Variants in PTK2 observed in about 807,000 individuals in gnomAD.
PTK2 encodes focal adhesion kinase 1.
A neutral mutation model predicts 150.1 loss-of-function variants in PTK2; 45 were observed. That is an observed-to-expected ratio of 0.30 (90% confidence interval 0.24 to 0.38). The LOEUF is 0.38. PTK2 is among the 10% of genes least tolerant of loss of function. The pLI is 1.00. For missense variants in PTK2, 919 were observed against 1,307.3 expected (o/e 0.70, Z 4.58); for synonymous variants, 432 against 449.2 (o/e 0.96, Z 0.48).
intron 2 of PTK2, among the ~76,000 whole-genome samples, chr8:140,904,914 G>A (rs914489372): frequency 4.6e-5 from 7 of 151,796 alleles, no homozygotes; most frequent in East Asian, 1.9e-4. Flanking sequence ...TCTGGCTAGC[G>A]GTCTATTTTG....
chr8:140,790,819 AT>A (rs2100087979), intron 13 of PTK2, among the ~76,000 whole-genome samples: 1 of 152,196 alleles, frequency 6.6e-6, no homozygotes, highest in African/African-American at 2.4e-5. Flanking sequence ...GCGCTACATG[AT>A]TTATCACAAC....
intron 31 of PTK2, among the ~76,000 whole-genome samples, chr8:140,661,298 G>A (rs1409825385): frequency 6.6e-6 from 1 of 152,202 alleles, no homozygotes; most frequent in East Asian, 1.9e-4. Flanking sequence ...ACAGACAAGA[G>A]GCAGATAAAC....
chr8:140,882,082 C>T (rs1172528881), intron 3 of PTK2, among the ~76,000 whole-genome samples: 2 of 152,188 alleles, frequency 1.3e-5, no homozygotes, highest in Non-Finnish European at 2.9e-5. Flanking sequence ...TTTGCTTTCT[C>T]ATTACGCATC....
intron 10 of PTK2, among the ~76,000 whole-genome samples, chr8:140,814,797 C>T (rs376589502): frequency 5.5e-5 from 8 of 146,644 alleles, no homozygotes; most frequent in African/African-American, 1.8e-4. Flanking sequence ...TTTTTTGAGA[C>T]GGAGTCTCGC....
chr8:140,764,504 AT>A (rs2100071243), intron 14 of PTK2: 7 of 537,322 alleles, frequency 1.3e-5, no homozygotes, highest in Middle Eastern at 9.5e-4. Context: ...AGACTTGTTT[AT>A]CGGAGAGCAA....
chr8:140,949,389 G>A (rs908264761), intron 1 of PTK2, among the ~76,000 whole-genome samples: 1 of 152,206 alleles, frequency 6.6e-6, no homozygotes, highest in African/African-American at 2.4e-5. Flanking sequence ...TACTGAGTTG[G>A]CGGGGCAGGA....
At chr8:140,701,073 T>A in intron 25 of PTK2, 51 bp from the exon 29 acceptor site, 1 of 1,537,776 alleles carries the variant, frequency 6.5e-7, no homozygotes, top group Non-Finnish European at 8.8e-7. Flanking sequence ...TCTATTCCTA[T>A]GCTCTTACCT....
chr8:140,838,199 A>G (rs2100119976), intron 7 of PTK2, among the ~76,000 whole-genome samples: 1 of 152,282 alleles, frequency 6.6e-6, no homozygotes, highest in Admixed American at 6.5e-5. Context: ...AAGGAAAAAG[A>G]GAACCATGAA....
At chr8:140,741,622 A>G (rs1370765160) in intron 20 of PTK2, among the ~76,000 whole-genome samples, 1 of 152,114 alleles carries the variant, frequency 6.6e-6, no homozygotes, top group Non-Finnish European at 1.5e-5. Context: ...CCATATAAAA[A>G]TCAAATACCC....
intron 3 of PTK2, 39 bp from the exon 4 acceptor site, chr8:140,879,676 G>GAAAA: frequency 2.1e-3 from 74 of 34,580 alleles, no homozygotes; most frequent in African/African-American, 9.0e-3. Context: ...GTTATAAACT[G>GAAAA]AAAAAAAAAA....
chr8:140,899,080 C>A (rs1601564173), intron 2 of PTK2, among the ~76,000 whole-genome samples: 1 of 152,246 alleles, frequency 6.6e-6, no homozygotes, highest in South Asian at 2.1e-4. Context: ...AAAAGTCTAA[C>A]CTAAATTTCC....
intron 10 of PTK2, among the ~76,000 whole-genome samples, chr8:140,812,839 A>G (rs2100102399): frequency 6.6e-6 from 1 of 152,212 alleles, no homozygotes; most frequent in African/African-American, 2.4e-5. Context: ...TAACTATCCT[A>G]AATATATAAA....
chr8:140,957,251 T>C (rs546590349), intron 1 of PTK2, among the ~76,000 whole-genome samples: 3 of 152,080 alleles, frequency 2.0e-5, no homozygotes, highest in East Asian at 3.9e-4. Flanking sequence ...CTGGGCAACA[T>C]GGTGAAACCC....
chr8:140,662,947 A>G, intron 31 of PTK2: 2 of 421,542 alleles, frequency 4.7e-6, no homozygotes, highest in South Asian at 8.2e-5. Flanking sequence ...GCTGTTTCAG[A>G]TGAAAGGAGG....
intron 2 of PTK2, among the ~76,000 whole-genome samples, chr8:140,914,404 A>G (rs1304220494): frequency 6.9e-6 from 1 of 144,744 alleles, no homozygotes; most frequent in Non-Finnish European, 1.5e-5. Context: ...TAACCCTTAA[A>G]GAACCAAGTT....
intron 3 of PTK2, among the ~76,000 whole-genome samples, chr8:140,886,601 T>C (rs1221737521): frequency 6.6e-6 from 1 of 152,234 alleles, no homozygotes; most frequent in Non-Finnish European, 1.5e-5. Flanking sequence ...TATTTTCTTA[T>C]GGGCTCAACT....
intron 1 of PTK2, among the ~76,000 whole-genome samples, chr8:140,962,092 A>ATT: frequency 6.6e-6 from 1 of 151,894 alleles, no homozygotes; most frequent in East Asian, 1.9e-4. Context: ...AAAAAAATAC[A>ATT]AAAATTAGCC....
At chr8:140,941,962 C>T (rs550181313) in intron 1 of PTK2, among the ~76,000 whole-genome samples, 1 of 152,220 alleles carries the variant, frequency 6.6e-6, no homozygotes, top group African/African-American at 2.4e-5. Flanking sequence ...GAACATAGCT[C>T]ACTGCAGCTT....
At chr8:140,793,235 T>C in intron 13 of PTK2, 119 bp downstream of exon 13, 1 of 1,065,312 alleles carries the variant, frequency 9.4e-7, no homozygotes, top group Non-Finnish European at 1.3e-6. Flanking sequence ...AATTGTTTCC[T>C]AGTTCCTTGA....
Sources: gnomAD v4.1 joint callset for allele counts (sites outside exome capture counted in the v4.1 genomes callset) on GRCh38, gnomAD v4.1.1 for gene constraint, MANE v1.5 for transcripts, NCBI Gene and HGNC (gene_info 2026-07-23, HGNC 2026-07-21) for gene names.